The following SYT8 variants were observed in gnomAD, a reference collection of about 807,000 sequenced individuals.
SYT8 encodes synaptotagmin 8.
Under a neutral mutation model 34.9 loss-of-function variants are expected in SYT8, and 50 were observed. That is an observed-to-expected ratio of 1.43 (90% CI 1.14 to 1.81). SYT8 has a LOEUF of 1.81. Among genes scored for constraint, SYT8 ranks in the 40% most tolerant of loss-of-function variants. The probability of loss-of-function intolerance (pLI) is 0.00; values close to 1 mark genes in which losing one functional copy is unlikely to be tolerated. For synonymous variants in SYT8, 255 were observed against 234.2 expected, an observed-to-expected ratio of 1.09 and a Z score of -0.81; for missense variants, 595 against 529.0, an observed-to-expected ratio of 1.12 and a Z score of -1.22.
At chr11:1,834,462 C>A, upstream of SYT8, 1 of 1,056,588 alleles carries the variant, frequency 9.5e-7, no homozygotes. The surrounding 1 kb of genome is among the most constrained non-coding windows in gnomAD (Gnocchi z 4.5). Context: ...CAGGAATGCA[C>A]CTTTAGCCCA....
upstream of SYT8, chr11:1,834,377 G>A (rs575878698): frequency 4.5e-4 from 279 of 620,834 alleles, no homozygotes; most frequent in African/African-American, 4.3e-3. This position sits in a 1 kb window ranked among gnomAD's most constrained non-coding sequence, Gnocchi z 4.5. Context: ...TGTTCTGGCC[G>A]CTCCCAGCTG....
chr11:1,834,654 C>T (rs755773295), upstream of SYT8: 30 of 1,554,980 alleles, frequency 1.9e-5, no homozygotes, highest in East Asian at 9.5e-5. The surrounding 1 kb of genome is among the most constrained non-coding windows in gnomAD (Gnocchi z 4.5). Context: ...GTGATGGGAC[C>T]GCAGAGATGA....
Position 1,836,244 on chromosome 11 carries a change from G to T in SYT8, c.476G>T (p.Gly159Val). Residue 159 changes from glycine (G) to valine (V), a missense_variant, in exon 4 of 8, where the codon GGC becomes GTC. Transcript: ENST00000341958. ...AGACATGAGACAAAAGTGCACCGAG[G>T]CACGCTCTGCCCCGTGTTTGACGAG... ...GHRHETKVHR[G>V]TLCPVFDETC... is the part of the protein sequence containing the mutation. The T allele has an allele frequency of 1.3e-6, 2 of 1,588,236 alleles. No homozygotes were observed. The highest frequency in any genetic ancestry group is 1.7e-6 in the Non-Finnish European group (2 of 1,168,320).
In SYT8 at chr11:1,836,116, T is replaced by G. The variant is rs1846905970; in HGVS notation, c.358-10T>G. 3 of 1,506,964 alleles carry G rather than the reference T, an allele frequency of 2.0e-6. No homozygotes were observed. Among genetic ancestry groups the G allele is most frequent in the Non-Finnish European group, 2.7e-6 (3 of 1,127,814 alleles). 93.3% of individuals were successfully genotyped at this position (1,506,964 alleles called of 1,614,324 possible). A position where few individuals can be genotyped will look rare whatever the true frequency, so the allele number is the denominator to read the frequency against. The stretch of plus-strand genomic sequence containing the variant: ...GGGCCCTTGGCTGAGCCCACCCCGC[T>G]GGCTCCCAGATCAGGGTGGGCCTGA... On this transcript the variant is annotated splice_polypyrimidine_tract_variant and intron_variant, in intron 3 of 7. Coordinates refer to ENST00000341958, the MANE Select transcript of SYT8 (RefSeq NM_001394072.1).
At chr11:1,834,772 G>C (rs1229558132), upstream of SYT8, 4 of 755,548 alleles carry the variant, frequency 5.3e-6, no homozygotes, top group Admixed American at 1.1e-4. This position sits in a 1 kb window ranked among gnomAD's most constrained non-coding sequence, Gnocchi z 4.5. Flanking sequence ...ATCCTACAGT[G>C]GGGGCAAGGG....
Position 1,835,282 on chromosome 11 carries a change from G to A in SYT8, c.95-14G>A. 1 of 1,600,522 alleles carries A rather than the reference G, an allele frequency of 6.2e-7. No individual in the cohort carries two copies. The highest frequency in any genetic ancestry group is 8.5e-7 in the Non-Finnish European group (1 of 1,171,704). The stretch of plus-strand genomic sequence containing the variant: ...AGCTGTCCACAGATGCACTCAGCCT[G>A]GCCTCTACCCCAGGGCCCCGCTGGG... On this transcript the variant is annotated splice_polypyrimidine_tract_variant and intron_variant, in intron 1 of 7. Transcript: ENST00000341958.
intron 2 of SYT8, 139 bp downstream of exon 2, chr11:1,835,598 G>A (rs927742156): frequency 8.6e-6 from 9 of 1,050,554 alleles, no homozygotes; most frequent in African/African-American, 1.6e-5. Context: ...TTCCTGGCAG[G>A]GAAAGTGGGT....
upstream of SYT8, chr11:1,834,311 T>G: frequency 3.7e-6 from 2 of 537,024 alleles, no homozygotes; most frequent in African/African-American, 2.0e-5. This position sits in a 1 kb window ranked among gnomAD's most constrained non-coding sequence, Gnocchi z 4.5. Flanking sequence ...TGCCGAAGGG[T>G]GGCCAGGCAG....
intron 2 of SYT8, 90 bp downstream of exon 2, chr11:1,835,549 G>C (rs1230237005): frequency 6.7e-7 from 1 of 1,489,176 alleles, no homozygotes; most frequent in East Asian, 2.3e-5. Context: ...TCAGCCCCAG[G>C]GATGGTTTAA....
chr11:1,836,500 C>A lies in SYT8; in HGVS notation c.592C>A (p.Pro198Thr). Residue 198 changes from proline (P) to threonine (T), a missense_variant, in exon 5 of 8, where the codon CCC becomes ACC. Physicochemically the swap from Pro to Thr is conservative, Grantham distance 38. Transcript: ENST00000341958. ...CTTCAAGCGCTTCTCGGGGCATGAG[C>A]CCCTGGGTGAGCTCCGTCTGCCACT... ...FNFKRFSGHE[P>T]LGELRLPLGT... The A allele has an allele frequency of 1.2e-6, 2 of 1,612,448 alleles. No homozygotes were observed. The highest frequency in any genetic ancestry group is 1.1e-5 in the South Asian group (1 of 91,038).
chr11:1,835,768 T>C, intron 2 of SYT8, 118 bp from the exon 3 acceptor site: 1 of 908,078 alleles, frequency 1.1e-6, no homozygotes, highest in South Asian at 1.5e-5. Context: ...GCCTGTTGGG[T>C]GGCCTGGCCT....
At chr11:1,834,500 C>A, upstream of SYT8, 1 of 1,432,178 alleles carries the variant, frequency 7.0e-7, no homozygotes, top group Non-Finnish European at 9.6e-7. The surrounding 1 kb of genome is among the most constrained non-coding windows in gnomAD (Gnocchi z 4.5). Context: ...CCGCCGACAG[C>A]CAGCCCTGCT....
At position 1,836,872 on chromosome 11, in the gene SYT8, C is replaced by T. The variant is rs1322673877; in HGVS notation, c.790+11C>T. The T allele has an allele frequency of 1.2e-6, 2 of 1,612,418 alleles. No individual in the cohort carries two copies. Among genetic ancestry groups the T allele is most frequent in the East Asian group, 2.2e-5 (1 of 44,880 alleles). On this transcript the variant is annotated intron_variant, in intron 6 of 7. Coordinates refer to ENST00000341958, the MANE Select transcript of SYT8 (RefSeq NM_001394072.1). ...GTCCAGGACTTGCAGGTGAGGGTCA[C>T]ACCTGCCCACGTTGTTGTACAGAGG...
intron 2 of SYT8, 80 bp from the exon 3 acceptor site, chr11:1,835,806 T>G (rs1422283570): frequency 7.8e-7 from 1 of 1,274,924 alleles, no homozygotes; most frequent in Non-Finnish European, 1.1e-6. Flanking sequence ...ACCCATGTCA[T>G]GCAAGGGCTG....
Position 1,836,169 on chromosome 11 carries a change from G to C in SYT8, c.401G>C (p.Gly134Ala). 6.5e-7 allele frequency: 1 copy of C among 1,532,720 alleles called. No individual in the cohort carries two copies. The highest frequency in any genetic ancestry group is 8.8e-7 in the Non-Finnish European group (1 of 1,142,010). 94.9% of individuals were successfully genotyped at this position (1,532,720 alleles called of 1,614,324 possible). The change falls in exon 4 of 8, where the codon GGC becomes GCC. Residue 134 changes from glycine (G) to alanine (A), a missense_variant. Physicochemically the swap from Gly to Ala is moderately conservative, Grantham distance 60 (BLOSUM62 0). Coordinates refer to ENST00000341958, the MANE Select transcript of SYT8 (RefSeq NM_001394072.1). ...CAGGCAGCCGACCTGAGGCCTGGGG[G>C]CACCGTGGACCCCTATGCCCGGGTC... Reference protein sequence around the residue: ...LRQAADLRPGGTVDPYARVSV... With the variant: ...LRQAADLRPGATVDPYARVSV...
In SYT8 at chr11:1,835,288, T is replaced by C. The variant is rs1846841667; in HGVS notation, c.95-8T>C. On this transcript the variant is annotated splice_region_variant and splice_polypyrimidine_tract_variant and intron_variant, in intron 1 of 7. Coordinates refer to ENST00000341958, the MANE Select transcript of SYT8 (RefSeq NM_001394072.1). ...CCACAGATGCACTCAGCCTGGCCTC[T>C]ACCCCAGGGCCCCGCTGGGCTCTCA... The C allele has an allele frequency of 3.1e-6, 5 of 1,599,948 alleles. No individual in the cohort carries two copies. The highest frequency in any genetic ancestry group is 4.3e-6 in the Non-Finnish European group (5 of 1,171,376).
intron 2 of SYT8, 146 bp from the exon 3 acceptor site, chr11:1,835,740 G>A: frequency 1.2e-6 from 1 of 820,542 alleles, no homozygotes. Context: ...GTCTCACAGA[G>A]CGAAGCCGAC....
chr11:1,836,665 G>C (rs566343712), intron 5 of SYT8, 73 bp downstream of exon 5: 15 of 1,593,960 alleles, frequency 9.4e-6, no homozygotes, highest in Non-Finnish European at 1.3e-5. Flanking sequence ...CCATCGGAAA[G>C]ACAGGCCTGA....
In SYT8 at chr11:1,837,373, A is replaced by G; in HGVS notation, c.1106A>G (p.Asp369Gly). The G allele has an allele frequency of 6.3e-7, 1 of 1,599,004 alleles. No homozygotes were observed. The highest frequency in any genetic ancestry group is 8.5e-7 in the Non-Finnish European group (1 of 1,176,842). ...RHPLRPAREV[D>G]RMLALQPRLR... ...CCCCTGCGGCCAGCCAGGGAGGTGG[A>G]CCGCATGCTGGCCCTGCAGCCCCGC... The change falls in exon 8 of 8, where the codon GAC becomes GGC. Residue 369 changes from aspartate (D) to glycine (G), a missense_variant. By Grantham distance (94) the Asp-to-Gly change is moderately conservative (BLOSUM62 -1). Transcript: ENST00000341958.
Sources: allele counts gnomAD v4.1 joint callset, GRCh38; gene constraint gnomAD v4.1.1; non-coding constraint Gnocchi (gnomAD v3.1); transcripts MANE v1.5; gene names NCBI Gene and HGNC (gene_info 2026-07-23, HGNC 2026-07-21).